Variants in SEPTIN9 observed in about 807,000 individuals in gnomAD.
SEPTIN9 encodes septin-9.
Under a neutral mutation model 56.6 loss-of-function variants are expected in SEPTIN9, and 13 were observed. The ratio of observed to expected loss-of-function variants is 0.23; its 90% CI spans 0.15 to 0.37. The LOEUF (loss-of-function observed/expected upper bound fraction) is 0.37. SEPTIN9 is among the 10% of genes least tolerant of loss of function. The pLI, the probability that SEPTIN9 is intolerant of heterozygous loss-of-function variation, is 1.00. For missense variants in SEPTIN9, 650 were observed against 823.1 expected, an observed-to-expected ratio of 0.79 and a Z score of 2.57; for synonymous variants, 332 against 334.1, an observed-to-expected ratio of 0.99 and a Z score of 0.07.
intron 2 of SEPTIN9, among the ~76,000 whole-genome samples, chr17:77,312,512 G>A (rs1315313832): frequency 6.6e-6 from 1 of 151,892 alleles, no homozygotes; most frequent in Admixed American, 6.6e-5. Flanking sequence ...CAGTGACTTT[G>A]GGCCATCTTG....
In SEPTIN9 at chr17:77,492,282, GTT is replaced by G. The variant is rs1265524362; in HGVS notation, c.1381-334_1381-333del. ...GCTGGAACTGGGGACTGTGACGAGG[GTT>G]TTTTAGGAAGGGTTTCAGGAGGGGA... On this transcript the variant is annotated intron_variant, in intron 8 of 11. Coordinates refer to ENST00000427177, the MANE Select transcript of SEPTIN9 (RefSeq NM_001113491.2). The surrounding 1 kb of genome is among the most constrained non-coding windows in gnomAD (Gnocchi z 5.4). Among the ~76,000 whole-genome samples, 1 of 152,226 alleles carries G rather than the reference GTT, an allele frequency of 6.6e-6. No individual in the cohort carries two copies. The highest frequency in any genetic ancestry group is 1.9e-4 in the East Asian group (1 of 5,178).
At chr17:77,397,185 C>G (rs434143) in intron 2 of SEPTIN9, 6,841 of 154,542 alleles carry the variant, frequency 0.044, 429 homozygotes, top group East Asian at 0.17. Flanking sequence ...ACAAGTTTGA[C>G]ATCAAGGTAT....
chr17:77,332,687 TCACAGTCCC>T (rs1264759064), intron 2 of SEPTIN9, among the ~76,000 whole-genome samples: 1 of 152,182 alleles, frequency 6.6e-6, no homozygotes, highest in Admixed American at 6.5e-5. Flanking sequence ...TCCAGGTGCA[TCACAGTCCC>T]CACCTTCCCC....
At chr17:77,466,371 A>T in intron 3 of SEPTIN9, 1 of 984,706 alleles carries the variant, frequency 1.0e-6, no homozygotes, top group Non-Finnish European at 1.2e-6. Flanking sequence ...AGAAATTACC[A>T]TATGAATGTA....
At chr17:77,315,507 G>T (rs8072523) in intron 2 of SEPTIN9, among the ~76,000 whole-genome samples, 1 of 151,898 alleles carries the variant, frequency 6.6e-6, no homozygotes, top group Non-Finnish European at 1.5e-5. Flanking sequence ...AGGCTGGTCT[G>T]GAACCCCTGA....
intron 2 of SEPTIN9, among the ~76,000 whole-genome samples, chr17:77,349,705 A>G (rs2033998118): frequency 6.6e-6 from 1 of 151,840 alleles, no homozygotes; most frequent in African/African-American, 2.4e-5. Flanking sequence ...TGTAGACTCT[A>G]CTCCAGCTTC....
rs1047191054 is a variant in SEPTIN9 at position 77,429,122 on chromosome 17, C to G, written c.721+26419C>G. The G allele has an allele frequency of 2.1e-6, 1 of 471,644 alleles. No individual in the cohort carries two copies. The highest frequency in any genetic ancestry group is 4.4e-6 in the Non-Finnish European group (1 of 227,182). 29.2% of individuals were successfully genotyped at this position (471,644 alleles called of 1,614,324 possible). On this transcript the variant is annotated intron_variant, in intron 3 of 11. Transcript: ENST00000427177. The surrounding 1 kb of genome is among the most constrained non-coding windows in gnomAD (Gnocchi z 5.2). ...CCGTGTCCTCCGGTGTGTGTGAGGC[C>G]AAGCTCCTGGGGTGGGGACTTGGGG...
Position 77,327,418 on chromosome 17 carries a change from G to T in SEPTIN9, c.76+20221G>T, listed in dbSNP as rs1230323431. On this transcript the variant is annotated intron_variant, in intron 2 of 11. Coordinates refer to ENST00000427177, the MANE Select transcript of SEPTIN9 (RefSeq NM_001113491.2). The surrounding 1 kb of genome is among the most constrained non-coding windows in gnomAD (Gnocchi z 5.0). ...TGCATCCCGCACGGTGCTCCCCAGG[G>T]TCTCCCACTGGCAAGGGCATTGGCA... Among the ~76,000 whole-genome samples, 1 of 152,184 alleles carries T rather than the reference G, an allele frequency of 6.6e-6. No individual in the cohort carries two copies.
chr17:77,378,529 A>G (rs1475878390), intron 2 of SEPTIN9, among the ~76,000 whole-genome samples: 3 of 152,152 alleles, frequency 2.0e-5, no homozygotes, highest in African/African-American at 7.2e-5. Flanking sequence ...GGGCATTTGC[A>G]AAGGACAGGT....
intron 2 of SEPTIN9, among the ~76,000 whole-genome samples, chr17:77,322,086 C>T (rs980504464): frequency 5.5e-4 from 84 of 152,298 alleles, no homozygotes; most frequent in African/African-American, 1.9e-3. Context: ...GCAGGGGCCT[C>T]GGGGAGCCTC....
At chr17:77,334,227 C>G (rs984653257) in intron 2 of SEPTIN9, among the ~76,000 whole-genome samples, 1 of 151,728 alleles carries the variant, frequency 6.6e-6, no homozygotes, top group Admixed American at 6.6e-5. Flanking sequence ...TCAAGACCAT[C>G]CTGGCTAACA....
chr17:77,474,460 A>G (rs1353352704), intron 3 of SEPTIN9, among the ~76,000 whole-genome samples: 1 of 152,196 alleles, frequency 6.6e-6, no homozygotes, highest in Non-Finnish European at 1.5e-5. Context: ...CCCTGGGAAG[A>G]GCCCTGGCAA....
At chr17:77,351,166 T>C (rs1048207356) in intron 2 of SEPTIN9, among the ~76,000 whole-genome samples, 7 of 151,836 alleles carry the variant, frequency 4.6e-5, no homozygotes, top group African/African-American at 1.7e-4. Flanking sequence ...TCCGTGAGCC[T>C]CTCCACCCTT....
chr17:77,487,137 A>C lies in SEPTIN9; in HGVS notation c.914-287A>C, dbSNP rs1009514839. 6.6e-6 allele frequency among the ~76,000 whole-genome samples: 1 copy of C among 152,206 alleles called. No homozygotes were observed. The highest frequency in any genetic ancestry group is 2.4e-5 in the African/African-American group (1 of 41,446). On this transcript the variant is annotated intron_variant, in intron 4 of 11. Transcript: ENST00000427177. This position sits in a 1 kb window ranked among gnomAD's most constrained non-coding sequence, Gnocchi z 4.3. ...CTCCTGTCCAGAAAGCACAAGGGGC[A>C]CAAGAGATGCCGACTCTCCCAGGCC...
In SEPTIN9 at chr17:77,405,259, G is replaced by A; in HGVS notation, c.721+2556G>A. On this transcript the variant is annotated intron_variant, in intron 3 of 11. Transcript: ENST00000427177. The surrounding 1 kb of genome is among the most constrained non-coding windows in gnomAD (Gnocchi z 5.8). ...CCAGGCCCAGGGACACAACCTGCGG[G>A]CTCTGCTTTCTGGAGCTCACCGAGC... 1.2e-6 allele frequency: 1 copy of A among 852,810 alleles called. No homozygotes were observed. The highest frequency in any genetic ancestry group is 1.7e-5 in the South Asian group (1 of 59,952). 52.8% of individuals were successfully genotyped at this position (852,810 alleles called of 1,614,324 possible).
intron 2 of SEPTIN9, among the ~76,000 whole-genome samples, chr17:77,359,089 T>A (rs1414202655): frequency 2.0e-5 from 3 of 152,162 alleles, no homozygotes; most frequent in Non-Finnish European, 4.4e-5. Context: ...CAAGTGTCCC[T>A]CTTTATTTTT....
rs529181586 is a variant in SEPTIN9, at chr17:77,479,226, C to T, written c.722-2918C>T. ...CACGCTGAGCAGCGCAGGCCTCGGA[C>T]GGTGTCGTGGTCACAGACAATGGAG... On this transcript the variant is annotated intron_variant, in intron 3 of 11. Coordinates refer to ENST00000427177, the MANE Select transcript of SEPTIN9 (RefSeq NM_001113491.2). 9.8e-5 allele frequency among the ~76,000 whole-genome samples: 15 copies of T among 152,350 alleles called. No homozygotes were observed. The South Asian group carries it at 1.7e-3, about 17-fold the overall frequency.
At chr17:77,358,329 T>C (rs1228176573) in intron 2 of SEPTIN9, among the ~76,000 whole-genome samples, 2 of 152,114 alleles carry the variant, frequency 1.3e-5, no homozygotes, top group Non-Finnish European at 1.5e-5. Flanking sequence ...CAGTTCCAAA[T>C]ACCAAAACTG....
chr17:77,373,114 G>A (rs936414111), intron 2 of SEPTIN9: 2 of 867,088 alleles, frequency 2.3e-6, no homozygotes, highest in African/African-American at 1.8e-5. Flanking sequence ...CCCTGGGCGC[G>A]GGCCAGGCGG....
Sources: gnomAD v4.1 joint callset for allele counts (sites outside exome capture counted in the v4.1 genomes callset) on GRCh38, gnomAD v4.1.1 for gene constraint, Gnocchi (gnomAD v3.1) non-coding constraint, MANE v1.5 for transcripts, NCBI Gene and HGNC (gene_info 2026-07-23, HGNC 2026-07-21) for gene names.